The following HECW2 variants were observed in gnomAD, a reference collection of about 807,000 sequenced individuals.
The protein encoded by HECW2 is E3 ubiquitin-protein ligase HECW2.
Under a neutral mutation model 175.2 loss-of-function variants are expected in HECW2, and 61 were observed. The ratio of observed to expected loss-of-function variants is 0.35; its 90% CI spans 0.28 to 0.43. The LOEUF (loss-of-function observed/expected upper bound fraction) is 0.43, where lower values mean the gene tolerates loss of function less well. Among genes scored for constraint, HECW2 ranks in the 20% least tolerant of loss-of-function variants. The pLI, the probability that HECW2 is intolerant of heterozygous loss-of-function variation, is 1.00. For missense variants in HECW2, 1,524 were observed against 2,000.5 expected (o/e 0.76, Z 4.54); for synonymous variants, 671 against 731.0 (o/e 0.92, Z 1.32).
chr2:196,422,142 T>C (rs568131950), intron 2 of HECW2, among the ~76,000 whole-genome samples: 4 of 152,180 alleles, frequency 2.6e-5, no homozygotes, highest in African/African-American at 9.6e-5. Context: ...TTCCAAAGTA[T>C]GAGACTTTCT....
chr2:196,510,099 G>A (rs1687893814), intron 1 of HECW2, among the ~76,000 whole-genome samples: 1 of 152,172 alleles, frequency 6.6e-6, no homozygotes, highest in Non-Finnish European at 1.5e-5. Context: ...ATTACAGGCA[G>A]CAATCCCAGC....
intron 19 of HECW2, among the ~76,000 whole-genome samples, chr2:196,245,813 G>A (rs1476314109): frequency 1.3e-5 from 2 of 152,200 alleles, no homozygotes; most frequent in Non-Finnish European, 2.9e-5. Context: ...GATCTGGGAA[G>A]CAGAAGAGAC....
chr2:196,518,671 A>C (rs1049682276), intron 1 of HECW2, among the ~76,000 whole-genome samples: 1 of 151,650 alleles, frequency 6.6e-6, no homozygotes, highest in Non-Finnish European at 1.5e-5. Context: ...AAAAAAAAAA[A>C]AAAAAAACCC....
intron 4 of HECW2, among the ~76,000 whole-genome samples, chr2:196,331,637 T>C (rs925169875): frequency 6.6e-6 from 1 of 152,144 alleles, no homozygotes; most frequent in African/African-American, 2.4e-5. Context: ...AAAGAAAATG[T>C]CCTCTAATTC....
chr2:196,442,067 G>A (rs982017195), intron 1 of HECW2, among the ~76,000 whole-genome samples: 8 of 151,932 alleles, frequency 5.3e-5, no homozygotes, highest in Non-Finnish European at 2.9e-5. Context: ...TAATTTTAAA[G>A]ACAGTTCAAG....
chr2:196,398,137 AG>A (rs58022573), intron 2 of HECW2, among the ~76,000 whole-genome samples: 13,606 of 26,628 alleles, frequency 0.51, 1,040 homozygotes, highest in African/African-American at 0.54. Context: ...TGGGGGAGTT[AG>A]GGGAAAATGG....
In HECW2 at chr2:196,437,730, G is replaced by T. The variant is rs535175682; in HGVS notation, c.-35-4272C>A. On this transcript the variant is annotated intron_variant, in intron 1 of 28. Transcript: ENST00000644978. ...CTCCATGAGGTTAGGCCCATCCAGC[G>T]TCACAAAGCTGATGAGTCAGTCACA... Among the ~76,000 whole-genome samples the T allele has an allele frequency of 2.7e-4, 41 of 152,172 alleles. No homozygotes were observed. The South Asian group carries it at 2.9e-3, about 11-fold the overall frequency.
intron 1 of HECW2, among the ~76,000 whole-genome samples, chr2:196,544,606 G>A (rs1559168476): frequency 6.6e-6 from 1 of 152,176 alleles, no homozygotes; most frequent in Non-Finnish European, 1.5e-5. Flanking sequence ...CATTTGCATA[G>A]CACGATGTAG....
chr2:196,250,947 A>C (rs1393740022), intron 19 of HECW2, among the ~76,000 whole-genome samples: 1 of 152,190 alleles, frequency 6.6e-6, no homozygotes, highest in Admixed American at 6.5e-5. Flanking sequence ...TTTATAACCT[A>C]TTACTTCACA....
intron 14 of HECW2, among the ~76,000 whole-genome samples, chr2:196,286,001 G>C (rs1313956678): frequency 6.6e-6 from 1 of 152,198 alleles, no homozygotes; most frequent in Non-Finnish European, 1.5e-5. Flanking sequence ...TGTTAGCTAA[G>C]GGAGTGGTAT....
intron 1 of HECW2, among the ~76,000 whole-genome samples, chr2:196,475,149 C>T (rs542865644): frequency 6.6e-6 from 1 of 152,226 alleles, no homozygotes; most frequent in East Asian, 1.9e-4. Context: ...CCTAACACTG[C>T]CCCCACCCAC....
chr2:196,298,007 T>C (rs2105667242), intron 13 of HECW2, among the ~76,000 whole-genome samples: 1 of 152,338 alleles, frequency 6.6e-6, no homozygotes, highest in African/African-American at 2.4e-5. Flanking sequence ...TAGCAGGAAT[T>C]CCCAAGTTTT....
At chr2:196,549,786 T>C (rs7567209) in intron 1 of HECW2, among the ~76,000 whole-genome samples, 55,893 of 152,086 alleles carry the variant, frequency 0.37, 14,407 homozygotes, top group African/African-American at 0.74. Flanking sequence ...GATATTTTCC[T>C]AGAAAAACTG....
intron 1 of HECW2, among the ~76,000 whole-genome samples, chr2:196,585,565 T>C (rs143889367): frequency 1.7e-4 from 26 of 152,304 alleles, no homozygotes; most frequent in Non-Finnish European, 3.5e-4. Flanking sequence ...TCCTTTCCCT[T>C]GTTCCCTGAA....
intron 1 of HECW2, among the ~76,000 whole-genome samples, chr2:196,480,951 C>T (rs1261953492): frequency 6.6e-6 from 1 of 152,096 alleles, no homozygotes; most frequent in Admixed American, 6.6e-5. Context: ...ATATTTTTGA[C>T]ATGAATTAGA....
intron 1 of HECW2, among the ~76,000 whole-genome samples, chr2:196,535,020 G>A (rs1446548323): frequency 2.0e-5 from 3 of 148,534 alleles, no homozygotes; most frequent in Non-Finnish European, 3.0e-5. Context: ...ACGACAAAAC[G>A]ATTAGGAAGA....
At chr2:196,486,822 G>A (rs530102767) in intron 1 of HECW2, among the ~76,000 whole-genome samples, 6 of 152,260 alleles carry the variant, frequency 3.9e-5, no homozygotes, top group African/African-American at 1.2e-4. Flanking sequence ...ATAATTTTAA[G>A]CAGCTTCACC....
chr2:196,461,452 A>G (rs138526821), intron 1 of HECW2, among the ~76,000 whole-genome samples: 7 of 152,332 alleles, frequency 4.6e-5, no homozygotes, highest in Non-Finnish European at 8.8e-5. Context: ...AACCATTTTC[A>G]TACACACACC....
At chr2:196,580,401 C>T (rs1448302180) in intron 1 of HECW2, among the ~76,000 whole-genome samples, 1 of 152,028 alleles carries the variant, frequency 6.6e-6, no homozygotes, top group African/African-American at 2.4e-5. Flanking sequence ...AAACAATCTA[C>T]AAAACAGAAG....
Sources: gnomAD v4.1 joint callset for allele counts (sites outside exome capture counted in the v4.1 genomes callset) on GRCh38, gnomAD v4.1.1 for gene constraint, MANE v1.5 for transcripts, NCBI Gene and HGNC (gene_info 2026-07-23, HGNC 2026-07-21) for gene names.